The following BARX2 variants were observed in gnomAD, a reference collection of about 807,000 sequenced individuals.
The protein encoded by BARX2 is homeobox protein BarH-like 2.
BARX2 carries 11 observed loss-of-function variants against 25.5 expected under a neutral mutation model. That is an observed-to-expected ratio of 0.43 (90% CI 0.27 to 0.71). The LOEUF (loss-of-function observed/expected upper bound fraction) is 0.71, where lower values mean the gene tolerates loss of function less well. Ranked by LOEUF, BARX2 falls within the 30% of genes least tolerant of loss-of-function variation. BARX2 has a pLI of 0.19. For synonymous variants in BARX2, 137 were observed against 149.5 expected (o/e 0.92, Z 0.61); for missense variants, 360 against 359.9 (o/e 1.00, Z 0.00).
chr11:129,431,942 A>C (rs986985418), intron 1 of BARX2, among the ~76,000 whole-genome samples: 5 of 151,654 alleles, frequency 3.3e-5, no homozygotes, highest in African/African-American at 1.2e-4. Context: ...ATTTTGAGTG[A>C]ATTTTTAAAA....
At chr11:129,445,674 A>G (rs973136008) in intron 3 of BARX2, among the ~76,000 whole-genome samples, 2 of 152,232 alleles carry the variant, frequency 1.3e-5, no homozygotes, top group Non-Finnish European at 2.9e-5. Context: ...ATGCAAAGAT[A>G]AGACATGAGC....
chr11:129,436,739 C>A lies in BARX2; in HGVS notation c.188-12C>A. The A allele has an allele frequency of 1.9e-6, 3 of 1,549,136 alleles. No homozygotes were observed. The highest frequency in any genetic ancestry group is 2.6e-6 in the Non-Finnish European group (3 of 1,142,786). ...TTCCCTGTGGTGACCTGCCTCCCTG[C>A]TTGTTTTCCAGGCTCCCCTTCCCTG... On this transcript the variant is annotated splice_polypyrimidine_tract_variant and intron_variant, in intron 1 of 3. Coordinates refer to ENST00000281437, the MANE Select transcript of BARX2 (RefSeq NM_003658.5). The surrounding 1 kb of genome is among the most constrained non-coding windows in gnomAD (Gnocchi z 4.5).
chr11:129,404,791 A>G (rs1861813313), intron 1 of BARX2, among the ~76,000 whole-genome samples: 2 of 152,210 alleles, frequency 1.3e-5, no homozygotes, highest in Admixed American at 1.3e-4. Context: ...AGCCATTCCG[A>G]GGGCATCAGT....
At chr11:129,446,769 C>G (rs577511676) in intron 3 of BARX2, among the ~76,000 whole-genome samples, 1 of 152,300 alleles carries the variant, frequency 6.6e-6, no homozygotes, top group South Asian at 2.1e-4. Flanking sequence ...TCCAGTGGAA[C>G]ATCACATCTT....
Position 129,436,932 on chromosome 11 carries a change from G to C in BARX2, c.369G>C (p.Thr123=). 6.2e-7 allele frequency: 1 copy of C among 1,613,834 alleles called. No individual in the cohort carries two copies. The highest frequency in any genetic ancestry group is 8.5e-7 in the Non-Finnish European group (1 of 1,179,844). Reference sequence around the variant, plus strand: ...CCCTAGCCAGCAGCGAGTCAGAGACGGAACAGCCCACGCCCCGACAGAAGA... The same window carrying C: ...CCCTAGCCAGCAGCGAGTCAGAGACCGAACAGCCCACGCCCCGACAGAAGA... ...GEALASSESE[T]EQPTPRQKKP... is the part of the protein sequence containing the mutation. The change falls in exon 2 of 4, where the codon ACG becomes ACC. Residue 123 remains threonine (T), a synonymous_variant. Transcript: ENST00000281437. This position sits in a 1 kb window ranked among gnomAD's most constrained non-coding sequence, Gnocchi z 4.5.
intron 1 of BARX2, among the ~76,000 whole-genome samples, chr11:129,434,438 A>C (rs1341114498): frequency 2.0e-5 from 3 of 148,444 alleles, no homozygotes; most frequent in Non-Finnish European, 4.5e-5. Flanking sequence ...AAAAAAAAAA[A>C]AAAAAAAACA....
chr11:129,413,409 T>C (rs929524742), intron 1 of BARX2, among the ~76,000 whole-genome samples: 9 of 152,140 alleles, frequency 5.9e-5, no homozygotes, highest in African/African-American at 2.2e-4. Context: ...GTGGCAAATG[T>C]ATTTCTTGAA....
chr11:129,379,721 T>A (rs1442703205), intron 1 of BARX2, among the ~76,000 whole-genome samples: 1 of 152,150 alleles, frequency 6.6e-6, no homozygotes. Flanking sequence ...AAATAAGGAT[T>A]GTTACAATTA....
At chr11:129,441,340 G>A (rs531233530) in intron 2 of BARX2, among the ~76,000 whole-genome samples, 6 of 152,114 alleles carry the variant, frequency 3.9e-5, no homozygotes, top group East Asian at 3.9e-4. Context: ...GCCAGAGGTC[G>A]GTAAAGGTTT....
chr11:129,434,211 A>G (rs1345480809), intron 1 of BARX2, among the ~76,000 whole-genome samples: 1 of 151,532 alleles, frequency 6.6e-6, no homozygotes, highest in Non-Finnish European at 1.5e-5. Flanking sequence ...ATTAGTTTAT[A>G]TATAGTTTAT....
chr11:129,403,152 G>A (rs1299737495), intron 1 of BARX2, among the ~76,000 whole-genome samples: 2 of 152,240 alleles, frequency 1.3e-5, no homozygotes, highest in Non-Finnish European at 2.9e-5. Context: ...GCTCAAGTGG[G>A]TTTTTCCAGC....
chr11:129,411,791 A>G (rs896510902), intron 1 of BARX2, among the ~76,000 whole-genome samples: 1 of 152,250 alleles, frequency 6.6e-6, no homozygotes, highest in Non-Finnish European at 1.5e-5. Flanking sequence ...GGGCCTCAGC[A>G]TTAATATTTT....
intron 1 of BARX2, among the ~76,000 whole-genome samples, chr11:129,425,101 A>G (rs190517979): frequency 1.1e-4 from 17 of 152,318 alleles, no homozygotes; most frequent in African/African-American, 3.8e-4. Flanking sequence ...AAATATGACC[A>G]AGGTCATAGA....
chr11:129,415,875 C>G (rs1297937845), intron 1 of BARX2, among the ~76,000 whole-genome samples: 1 of 152,236 alleles, frequency 6.6e-6, no homozygotes, highest in Non-Finnish European at 1.5e-5. Context: ...TGACTCAAGT[C>G]CCACCAGTTT....
chr11:129,438,599 A>G (rs1235071598), intron 2 of BARX2, among the ~76,000 whole-genome samples: 1 of 152,178 alleles, frequency 6.6e-6, no homozygotes, highest in Non-Finnish European at 1.5e-5. Context: ...ATCACCGACT[A>G]AAAGGGAATT....
chr11:129,419,130 A>C (rs1472927627), intron 1 of BARX2, among the ~76,000 whole-genome samples: 1 of 152,176 alleles, frequency 6.6e-6, no homozygotes, highest in Non-Finnish European at 1.5e-5. Flanking sequence ...TGTCCTGTCC[A>C]GGGCCGGCCC....
chr11:129,432,644 A>C (rs1406250951), intron 1 of BARX2, among the ~76,000 whole-genome samples: 1 of 152,212 alleles, frequency 6.6e-6, no homozygotes, highest in Non-Finnish European at 1.5e-5. Flanking sequence ...CTTTTAGAAG[A>C]AGTTTTAACC....
intron 1 of BARX2, among the ~76,000 whole-genome samples, chr11:129,381,646 T>C (rs985501884): frequency 6.6e-6 from 1 of 152,234 alleles, no homozygotes; most frequent in Non-Finnish European, 1.5e-5. Context: ...AGACTGAATT[T>C]GTGATAGAAA....
chr11:129,375,899 C>G lies in BARX2; in HGVS notation c.-137C>G, dbSNP rs1367522922. 1 of 318,570 alleles carries G rather than the reference C, an allele frequency of 3.1e-6. No homozygotes were observed. The highest frequency in any genetic ancestry group is 2.3e-5 in the African/African-American group (1 of 44,296). The allele number at this position is 318,570 out of a possible 1,614,324, so 19.7% of individuals were successfully genotyped here. A position where few individuals can be genotyped will look rare whatever the true frequency, so the allele number is the denominator to read the frequency against. On this transcript the variant is annotated 5_prime_UTR_variant, in exon 1 of 4. Coordinates refer to ENST00000281437, the MANE Select transcript of BARX2 (RefSeq NM_003658.5). The surrounding 1 kb of genome is among the most constrained non-coding windows in gnomAD (Gnocchi z 4.0). Reference sequence around the variant, plus strand: ...CGCGCCCGCTACCCGCTCTCCTCCGCGCGCCACCCGAGCCCCGCCGCCTCC... The same window carrying G: ...CGCGCCCGCTACCCGCTCTCCTCCGGGCGCCACCCGAGCCCCGCCGCCTCC...
Sources: gnomAD v4.1 joint callset for allele counts (sites outside exome capture counted in the v4.1 genomes callset) on GRCh38, gnomAD v4.1.1 for gene constraint, Gnocchi (gnomAD v3.1) non-coding constraint, MANE v1.5 for transcripts, NCBI Gene and HGNC (gene_info 2026-07-23, HGNC 2026-07-21) for gene names.